Variants in DCAF8 observed in about 807,000 individuals in gnomAD.
The protein encoded by DCAF8 is DDB1- and CUL4-associated factor 8.
Under a neutral mutation model 68.0 loss-of-function variants are expected in DCAF8, and 20 were observed. The ratio of observed to expected loss-of-function variants is 0.29; its 90% CI spans 0.21 to 0.43. DCAF8 has a LOEUF of 0.43. Among genes scored for constraint, DCAF8 ranks in the 20% least tolerant of loss-of-function variants. The pLI, the probability that DCAF8 is intolerant of heterozygous loss-of-function variation, is 1.00. For synonymous variants in DCAF8, 230 were observed against 276.9 expected (o/e 0.83, Z 1.68); for missense variants, 460 against 771.0 (o/e 0.60, Z 4.78).
chr1:160,235,786 T>C (rs1655854224), intron 6 of DCAF8, among the ~76,000 whole-genome samples: 1 of 151,912 alleles, frequency 6.6e-6, no homozygotes, highest in Non-Finnish European at 1.5e-5. Context: ...TCACTCAGGA[T>C]GGAGTGCAGT....
intron 7 of DCAF8, among the ~76,000 whole-genome samples, chr1:160,228,882 G>A (rs889585988): frequency 2.6e-5 from 4 of 152,196 alleles, no homozygotes; most frequent in Non-Finnish European, 5.9e-5. Flanking sequence ...TAAGAAAGGA[G>A]AAACCTCAAA....
In DCAF8 at chr1:160,225,077, T is replaced by C; in HGVS notation, c.1186A>G (p.Ser396Gly). 1 of 1,614,224 alleles carries C rather than the reference T, an allele frequency of 6.2e-7. No homozygotes were observed. Among genetic ancestry groups the C allele is most frequent in the Non-Finnish European group, 8.5e-7 (1 of 1,180,032 alleles). The change falls in exon 9 of 14, where the codon AGC becomes GGC. Residue 396 changes from serine (S) to glycine (G), a missense_variant. Around this residue, in one of 8 missense-constraint regions of DCAF8, gnomAD observed 4 missense variants for 26.6 expected, o/e 0.15. Coordinates refer to ENST00000368074, the MANE Select transcript of DCAF8 (RefSeq NM_015726.4). Reference sequence around the variant, plus strand: ...GCTCACGTACCTGTGCCGTCGTGGCTGTACACAAGACAGGTGATGTTTGCT... The same window carrying C: ...GCTCACGTACCTGTGCCGTCGTGGCCGTACACAAGACAGGTGATGTTTGCT... ...SKANITCLVY[S>G]HDGTELLASY...
At chr1:160,223,668 C>G (rs1033988513) in intron 10 of DCAF8, among the ~76,000 whole-genome samples, 1 of 152,166 alleles carries the variant, frequency 6.6e-6, no homozygotes, top group Non-Finnish European at 1.5e-5. Flanking sequence ...GAAGTCGAGG[C>G]AGGCGGATCA....
Position 160,217,517 on chromosome 1 carries a change from G to A in DCAF8, c.*75C>T. 10 of 1,074,618 alleles carry A rather than the reference G, an allele frequency of 9.3e-6. No homozygotes were observed. The highest frequency in any genetic ancestry group is 1.4e-5 in the Non-Finnish European group (10 of 726,944). The allele number at this position is 1,074,618 out of a possible 1,614,324, so 66.6% of individuals were successfully genotyped here. On this transcript the variant is annotated 3_prime_UTR_variant, in exon 14 of 14. Coordinates refer to ENST00000368074, the MANE Select transcript of DCAF8 (RefSeq NM_015726.4). ...CAAAGTGCGTTTCTGCTGAATGTAG[G>A]GCCTGGGACAGGAAAGGGTTGCCCA...
At chr1:160,245,806 G>A (rs1276034968) in intron 2 of DCAF8, among the ~76,000 whole-genome samples, 1 of 152,136 alleles carries the variant, frequency 6.6e-6, no homozygotes, top group Non-Finnish European at 1.5e-5. Context: ...TAGAATAGGA[G>A]CCTATCTTCT....
At chr1:160,226,194 T>C (rs1479092144) in intron 7 of DCAF8, among the ~76,000 whole-genome samples, 2 of 152,184 alleles carry the variant, frequency 1.3e-5, no homozygotes, top group East Asian at 1.9e-4. Context: ...AACATTAGTA[T>C]GGAGCTTTTT....
At chr1:160,261,782 G>A (rs1403146101) in intron 1 of DCAF8, 2 of 152,290 alleles carry the variant, frequency 1.3e-5, no homozygotes, top group East Asian at 3.8e-4. Flanking sequence ...AACTAACAGG[G>A]ACCAAATGGG....
chr1:160,233,273 G>T (rs1456508626), intron 6 of DCAF8, among the ~76,000 whole-genome samples: 1 of 152,290 alleles, frequency 6.6e-6, no homozygotes, highest in Admixed American at 6.5e-5. Context: ...AGAGGACCAG[G>T]TGTAGTGGCT....
chr1:160,258,239 C>T (rs536337924), intron 2 of DCAF8, among the ~76,000 whole-genome samples: 1 of 152,134 alleles, frequency 6.6e-6, no homozygotes, highest in African/African-American at 2.4e-5. Flanking sequence ...CCCAGCTACT[C>T]GAGAGGCTGA....
intron 3 of DCAF8, among the ~76,000 whole-genome samples, chr1:160,240,841 T>C (rs1005030053): frequency 5.3e-5 from 8 of 152,196 alleles, no homozygotes; most frequent in African/African-American, 9.7e-5. Context: ...TCTTGACTTA[T>C]GGATGTGGTG....
rs532980067 is a variant in DCAF8, at chr1:160,233,201, T to G, written c.960-1794A>C. Among the ~76,000 whole-genome samples the G allele has an allele frequency of 4.6e-5, 7 of 152,350 alleles. No homozygotes were observed. The East Asian group carries it at 1.3e-3, about 29-fold the overall frequency. On this transcript the variant is annotated intron_variant, in intron 6 of 13. Transcript: ENST00000368074. Reference sequence around the variant, plus strand: ...AGCCAAAGTCACTTCAGCCTAGAACTGTTCTAGGCAAAGTGTTGAGATTTT... The same window carrying G: ...AGCCAAAGTCACTTCAGCCTAGAACGGTTCTAGGCAAAGTGTTGAGATTTT...
chr1:160,239,126 G>A, intron 4 of DCAF8: 1 of 1,026,744 alleles, frequency 9.7e-7, no homozygotes, highest in Non-Finnish European at 1.2e-6. Flanking sequence ...GGAATGTCAG[G>A]GAAGAAAAGA....
chr1:160,239,129 A>G, intron 4 of DCAF8: 2 of 1,032,198 alleles, frequency 1.9e-6, no homozygotes, highest in Non-Finnish European at 2.3e-6. Context: ...ATGTCAGGGA[A>G]GAAAAGAGAA....
intron 2 of DCAF8, among the ~76,000 whole-genome samples, chr1:160,246,750 G>A (rs1656356909): frequency 6.6e-6 from 1 of 152,030 alleles, no homozygotes. Context: ...GGGAGGCCGA[G>A]GCAGGAGTTG....
intron 2 of DCAF8, among the ~76,000 whole-genome samples, chr1:160,254,129 C>A (rs1656727412): frequency 6.6e-6 from 1 of 151,942 alleles, no homozygotes. Flanking sequence ...TGAGACCAGC[C>A]TGGCCAACAT....
At chr1:160,256,138 C>T (rs1358966025) in intron 2 of DCAF8, among the ~76,000 whole-genome samples, 1 of 151,310 alleles carries the variant, frequency 6.6e-6, no homozygotes, top group Non-Finnish European at 1.5e-5. Flanking sequence ...CAGGTACATG[C>T]CACTGCACCT....
intron 3 of DCAF8, among the ~76,000 whole-genome samples, chr1:160,243,206 T>A (rs1219241195): frequency 6.6e-6 from 1 of 152,146 alleles, no homozygotes; most frequent in Non-Finnish European, 1.5e-5. Flanking sequence ...TCTATTAGAA[T>A]TTTTATATTC....
intron 4 of DCAF8, chr1:160,239,342 A>T: frequency 7.9e-7 from 1 of 1,268,856 alleles, no homozygotes; most frequent in Admixed American, 3.3e-5. Flanking sequence ...ACTGAAGACA[A>T]AGGTAAAATA....
intron 2 of DCAF8, among the ~76,000 whole-genome samples, chr1:160,253,212 G>A (rs1476495307): frequency 6.6e-6 from 1 of 152,140 alleles, no homozygotes; most frequent in African/African-American, 2.4e-5. Flanking sequence ...GTTTCAAGGT[G>A]AGGATAGGCT....
Sources: allele counts gnomAD v4.1 joint callset (sites outside exome capture counted in the v4.1 genomes callset), GRCh38; gene constraint gnomAD v4.1.1; regional missense constraint gnomAD v4.1.1; transcripts MANE v1.5; gene names NCBI Gene and HGNC (gene_info 2026-07-23, HGNC 2026-07-21).